Variants in FREM1 observed in about 807,000 individuals in gnomAD.
FREM1 encodes the protein FRAS1 related extracellular matrix 1.
A neutral mutation model predicts 210.1 loss-of-function variants in FREM1; 220 were observed. The ratio of observed to expected loss-of-function variants is 1.05; its 90% confidence interval spans 0.94 to 1.17. FREM1 has a LOEUF of 1.17. FREM1 is among the 50% of genes most tolerant of loss of function. The pLI is 0.00. For synonymous variants in FREM1, 1,189 were observed against 980.2 expected (o/e 1.21, Z -3.98); for missense variants, 3,454 against 2,675.5 (o/e 1.29, Z -6.42).
At chr9:14,859,512 A>G (rs779730078) in intron 3 of FREM1, 28 bp from the exon 4 acceptor site, 1 of 1,577,166 alleles carries the variant, frequency 6.3e-7, no homozygotes, top group South Asian at 1.2e-5. Context: ...CAAAAGCAAT[A>G]TTAATTGGTG....
intron 13 of FREM1, 108 bp from the exon 14 acceptor site, chr9:14,819,550 T>A (rs1381136627): frequency 3.2e-6 from 2 of 627,264 alleles, no homozygotes; most frequent in Middle Eastern, 2.7e-4. Flanking sequence ...ACATGCAAAC[T>A]AATTTTTCAA....
chr9:14,752,508 G>T (rs1843574254), intron 29 of FREM1, among the ~76,000 whole-genome samples: 2 of 152,182 alleles, frequency 1.3e-5, no homozygotes. Context: ...AGGCAAGAGG[G>T]AAGGGTCTTG....
chr9:14,769,774 G>T lies in FREM1; in HGVS notation c.5154C>A (p.Thr1718=), dbSNP rs753977211. ...INPSLEVNSD[T]VEFQIMDPTG... Reference sequence around the variant, plus strand: ...TGGGGTCCATGATTTGAAATTCCACGGTATCTGAATTTACTTCCAAAGATG... The same window carrying T: ...TGGGGTCCATGATTTGAAATTCCACTGTATCTGAATTTACTTCCAAAGATG... The change falls in exon 27 of 37, where the codon ACC becomes ACA. Residue 1718 remains threonine, a synonymous_variant. Coordinates refer to ENST00000380880, the MANE Select transcript of FREM1 (RefSeq NM_001379081.2). The T allele has an allele frequency of 6.2e-7, 1 of 1,609,592 alleles. No individual in the cohort carries two copies. Among genetic ancestry groups the T allele is most frequent in the Admixed American group, 1.7e-5 (1 of 59,822 alleles).
intron 3 of FREM1, among the ~76,000 whole-genome samples, chr9:14,861,326 TATACATATATACAC>T (rs1830501893): frequency 1.6e-5 from 2 of 126,920 alleles, no homozygotes; most frequent in African/African-American, 7.0e-5. Flanking sequence ...TATACACATA[TATACATATATACAC>T]ATATATATAC....
At chr9:14,800,366 T>C (rs1853303627) in intron 20 of FREM1, among the ~76,000 whole-genome samples, 3 of 152,202 alleles carry the variant, frequency 2.0e-5, no homozygotes, top group Admixed American at 2.0e-4. Flanking sequence ...GAGGAAGCAG[T>C]AATTCAGGAA....
intron 16 of FREM1, among the ~76,000 whole-genome samples, chr9:14,809,898 GT>G: frequency 6.6e-6 from 1 of 152,088 alleles, no homozygotes; most frequent in Non-Finnish European, 1.5e-5. Flanking sequence ...ATGTATGTAT[GT>G]ATGTATGTAT....
intron 1 of FREM1, among the ~76,000 whole-genome samples, chr9:14,887,075 C>A (rs1433908083): frequency 6.6e-6 from 1 of 151,940 alleles, no homozygotes; most frequent in Non-Finnish European, 1.5e-5. Context: ...GAATTGCATC[C>A]AAATCACATG....
chr9:14,746,866 G>C lies in FREM1; in HGVS notation c.6138+57C>G, dbSNP rs1842540181. 3 of 1,571,290 alleles carry C rather than the reference G, an allele frequency of 1.9e-6. No homozygotes were observed. The South Asian group carries it at 3.6e-5, about 19-fold the overall frequency. The stretch of plus-strand genomic sequence containing the variant: ...TGCACCAGATGGTTCCCCTCTATTA[G>C]CTTATCATAGAGCACATTGCGAATA... On this transcript the variant is annotated intron_variant, in intron 34 of 36. Coordinates refer to ENST00000380880, the MANE Select transcript of FREM1 (RefSeq NM_001379081.2).
intron 35 of FREM1, among the ~76,000 whole-genome samples, chr9:14,742,554 C>G (rs1841762365): frequency 6.6e-6 from 1 of 152,026 alleles, no homozygotes; most frequent in Non-Finnish European, 1.5e-5. Flanking sequence ...TGGTTAGGGA[C>G]AAAGGATAAA....
At chr9:14,818,799 G>A (rs7019481) in intron 14 of FREM1, among the ~76,000 whole-genome samples, 3 of 152,072 alleles carry the variant, frequency 2.0e-5, no homozygotes, top group African/African-American at 7.2e-5. Context: ...ACGGAATAAG[G>A]TTACATTAAG....
chr9:14,813,534 A>G (rs1819765308), intron 15 of FREM1, among the ~76,000 whole-genome samples: 1 of 152,160 alleles, frequency 6.6e-6, no homozygotes, highest in African/African-American at 2.4e-5. Context: ...CCACCCAGGA[A>G]GTTTCTCTGG....
At chr9:14,891,858 A>G (rs1035189395) in intron 1 of FREM1, among the ~76,000 whole-genome samples, 1 of 152,206 alleles carries the variant, frequency 6.6e-6, no homozygotes, top group African/African-American at 2.4e-5. Context: ...ACTGTGCAAG[A>G]AAAAGTTCAA....
intron 30 of FREM1, 51 bp downstream of exon 30, chr9:14,750,076 G>C: frequency 1.3e-6 from 2 of 1,588,410 alleles, no homozygotes; most frequent in South Asian, 2.3e-5. Flanking sequence ...GAAGGCAAGA[G>C]CTACAGCGCC....
chr9:14,772,457 C>A (rs1307670724), intron 25 of FREM1, among the ~76,000 whole-genome samples: 2 of 151,884 alleles, frequency 1.3e-5, no homozygotes, highest in African/African-American at 4.8e-5. Context: ...TGGAAACAGG[C>A]AATATGCATA....
In FREM1 at chr9:14,797,556, G is replaced by T; in HGVS notation, c.3781C>A (p.Leu1261Ile). ...ATGACCTCTACTGAAATGGTTTTAA[G>T]TATCTTATGTTTCCCATCTGACAAT... is the stretch of plus-strand genomic sequence containing the variant. ...IQLSDGKHKI[L>I]KTISVEVIPV... Residue 1261 changes from leucine to isoleucine, a missense_variant, in exon 21 of 37, where the codon CTT becomes ATT. Leu to Ile is a conservative substitution (Grantham distance 5, BLOSUM62 2). Transcript: ENST00000380880. 6.2e-7 allele frequency: 1 copy of T among 1,612,992 alleles called. No individual in the cohort carries two copies. Among genetic ancestry groups the T allele is most frequent in the Non-Finnish European group, 8.5e-7 (1 of 1,179,180 alleles).
At chr9:14,900,440 T>A (rs142231953) in intron 1 of FREM1, among the ~76,000 whole-genome samples, 1 of 152,194 alleles carries the variant, frequency 6.6e-6, no homozygotes, top group African/African-American at 2.4e-5. Flanking sequence ...ATCTTTGGCA[T>A]GTCTAAAACA....
chr9:14,843,942 G>T (rs1826142177), intron 8 of FREM1, among the ~76,000 whole-genome samples: 1 of 152,198 alleles, frequency 6.6e-6, no homozygotes, highest in Non-Finnish European at 1.5e-5. Flanking sequence ...TTCTAGGTGT[G>T]CAACCTTAGA....
chr9:14,749,868 C>G (rs1315581811), intron 30 of FREM1, among the ~76,000 whole-genome samples: 2 of 152,136 alleles, frequency 1.3e-5, no homozygotes, highest in Non-Finnish European at 2.9e-5. Flanking sequence ...GTTTCCCCCT[C>G]GGTGAGAACA....
chr9:14,809,643 A>C (rs890561905), intron 16 of FREM1, among the ~76,000 whole-genome samples: 2 of 152,200 alleles, frequency 1.3e-5, no homozygotes, highest in African/African-American at 2.4e-5. Flanking sequence ...CATATATCTA[A>C]AATGCAAACT....
Sources: allele counts gnomAD v4.1 joint callset (sites outside exome capture counted in the v4.1 genomes callset), GRCh38; gene constraint gnomAD v4.1.1; transcripts MANE v1.5; gene names NCBI Gene and HGNC (gene_info 2026-07-23, HGNC 2026-07-21).